ITPR2: variants seen among roughly 807,000 people sequenced by gnomAD.
ITPR2 encodes the protein inositol 1,4,5-trisphosphate-gated calcium channel ITPR2.
A neutral mutation model predicts 317.1 loss-of-function variants in ITPR2; 207 were observed. The ratio of observed to expected loss-of-function variants is 0.65; its 90% confidence interval spans 0.58 to 0.73. The LOEUF is 0.73. Ranked by LOEUF, ITPR2 falls within the 30% of genes least tolerant of loss-of-function variation. The probability of loss-of-function intolerance (pLI) is 0.00; values close to 1 mark genes in which losing one functional copy is unlikely to be tolerated. For missense variants in ITPR2, 2,613 were observed against 3,284.0 expected (o/e 0.80, Z 4.99); for synonymous variants, 1,156 against 1,149.1 (o/e 1.01, Z -0.12).
chr12:26,340,017 T>C, intron 56 of ITPR2, 150 bp downstream of exon 56: 2 of 612,158 alleles, frequency 3.3e-6, no homozygotes, highest in Non-Finnish European at 5.1e-6. Flanking sequence ...TTTGCTGGGA[T>C]GTGGTTCTAC....
At chr12:26,770,553 G>A (rs149080976) in intron 2 of ITPR2, among the ~76,000 whole-genome samples, 1 of 152,154 alleles carries the variant, frequency 6.6e-6, no homozygotes, top group Non-Finnish European at 1.5e-5. Context: ...TTCAATCACA[G>A]CTTTGCTTGC....
At chr12:26,416,285 T>C (rs950980636) in intron 50 of ITPR2, among the ~76,000 whole-genome samples, 6 of 152,222 alleles carry the variant, frequency 3.9e-5, no homozygotes, top group Non-Finnish European at 5.9e-5. Context: ...ATTTTATTTA[T>C]TGCTACATTA....
At chr12:26,533,859 G>A (rs1430351862) in intron 37 of ITPR2, among the ~76,000 whole-genome samples, 4 of 152,258 alleles carry the variant, frequency 2.6e-5, no homozygotes, top group South Asian at 2.1e-4. Flanking sequence ...TAAGCCACTC[G>A]ATCTGTGGGA....
intron 55 of ITPR2, among the ~76,000 whole-genome samples, chr12:26,379,834 A>G (rs963193701): frequency 1.3e-5 from 2 of 152,204 alleles, no homozygotes; most frequent in Admixed American, 1.3e-4. Context: ...TGTAAATGGA[A>G]ATCCTAAGAA....
At chr12:26,735,394 G>C (rs1285032056) in intron 2 of ITPR2, among the ~76,000 whole-genome samples, 1 of 152,126 alleles carries the variant, frequency 6.6e-6, no homozygotes, top group African/African-American at 2.4e-5. Flanking sequence ...AAGGGAAAGG[G>C]AAAGAGAAGG....
chr12:26,568,386 C>A (rs1945069016), intron 34 of ITPR2, among the ~76,000 whole-genome samples: 1 of 151,836 alleles, frequency 6.6e-6, no homozygotes, highest in East Asian at 1.9e-4. Flanking sequence ...GATAACAGTT[C>A]TCTAAAATAG....
chr12:26,407,746 C>T (rs1940399900), intron 52 of ITPR2, among the ~76,000 whole-genome samples: 1 of 152,198 alleles, frequency 6.6e-6, no homozygotes, highest in Non-Finnish European at 1.5e-5. Context: ...GACTGACTAG[C>T]TGTGATCTTG....
At chr12:26,647,343 T>C (rs890878079) in intron 21 of ITPR2, among the ~76,000 whole-genome samples, 8 of 152,236 alleles carry the variant, frequency 5.3e-5, no homozygotes, top group African/African-American at 1.9e-4. Context: ...ACAGAAGATG[T>C]GTAAGTGGGA....
chr12:26,810,910 C>G (rs1312443582), intron 1 of ITPR2, among the ~76,000 whole-genome samples: 4 of 152,096 alleles, frequency 2.6e-5, no homozygotes, highest in Non-Finnish European at 5.9e-5. Context: ...AAGCAATCCT[C>G]CTGCCTCAGC....
At chr12:26,719,096 C>T (rs1272428145) in intron 5 of ITPR2, among the ~76,000 whole-genome samples, 1 of 152,010 alleles carries the variant, frequency 6.6e-6, no homozygotes, top group African/African-American at 2.4e-5. Flanking sequence ...ATAAAACTTG[C>T]AAGTGAAATG....
intron 34 of ITPR2, among the ~76,000 whole-genome samples, chr12:26,565,843 A>AAAGGAGAGGAGAGGAGAGGGGAGGG (rs1401277815): frequency 1.3e-5 from 1 of 78,418 alleles, no homozygotes; most frequent in Non-Finnish European, 2.8e-5. Context: ...AGGAGAGTAG[A>AAAGGAGAGGAGAGGAGAGGGGAGGG]GAGGAGAGGA....
intron 55 of ITPR2, among the ~76,000 whole-genome samples, chr12:26,369,108 T>C (rs1939103570): frequency 6.6e-6 from 1 of 152,136 alleles, no homozygotes; most frequent in South Asian, 2.1e-4. Context: ...CTTGGCATAT[T>C]ATGGAAACAG....
In ITPR2 at chr12:26,452,090, T is replaced by A. The variant is rs1479105220; in HGVS notation, c.6343-8440A>T. Among the ~76,000 whole-genome samples, 5 of 152,078 alleles carry A rather than the reference T, an allele frequency of 3.3e-5. No individual in the cohort carries two copies. In the East Asian group the frequency reaches 9.6e-4, roughly 29 times the overall value. ...CTCAAGCCTCCCAAATCAGAAACTA[T>A]GAAGGAGTACACCCCTCTCCCCCTG... is the stretch of plus-strand genomic sequence containing the variant. On this transcript the variant is annotated intron_variant, in intron 45 of 56. Coordinates refer to ENST00000381340, the MANE Select transcript of ITPR2 (RefSeq NM_002223.4).
intron 21 of ITPR2, among the ~76,000 whole-genome samples, chr12:26,637,370 T>G (rs1189016759): frequency 6.6e-6 from 1 of 152,136 alleles, no homozygotes; most frequent in African/African-American, 2.4e-5. Context: ...CAAAATTGCT[T>G]AGGAATTTTT....
At chr12:26,644,776 G>A (rs1018399298) in intron 21 of ITPR2, among the ~76,000 whole-genome samples, 8 of 152,158 alleles carry the variant, frequency 5.3e-5, no homozygotes, top group African/African-American at 1.9e-4. Context: ...AGATTCAGGT[G>A]AGGACACAGC....
At chr12:26,776,504 T>C (rs753209344) in intron 2 of ITPR2, among the ~76,000 whole-genome samples, 1 of 152,132 alleles carries the variant, frequency 6.6e-6, no homozygotes, top group Non-Finnish European at 1.5e-5. Flanking sequence ...CAACAAAAAG[T>C]GCATGCACAG....
chr12:26,650,154 T>C (rs1947213330), intron 21 of ITPR2, among the ~76,000 whole-genome samples: 1 of 152,134 alleles, frequency 6.6e-6, no homozygotes, highest in Non-Finnish European at 1.5e-5. Flanking sequence ...AATTTATGTG[T>C]CTTTGAGGGC....
chr12:26,721,837 A>G (rs1262917292), intron 5 of ITPR2, among the ~76,000 whole-genome samples: 4 of 152,066 alleles, frequency 2.6e-5, no homozygotes, highest in African/African-American at 9.7e-5. Flanking sequence ...CTGGTCTTGA[A>G]CCCGTGGGCT....
At chr12:26,364,621 A>G (rs1021167372) in intron 55 of ITPR2, among the ~76,000 whole-genome samples, 8 of 152,058 alleles carry the variant, frequency 5.3e-5, no homozygotes, top group Non-Finnish European at 8.8e-5. Flanking sequence ...AAAACCAACT[A>G]ACTCCCTTTG....
Sources: allele counts gnomAD v4.1 joint callset (sites outside exome capture counted in the v4.1 genomes callset), GRCh38; gene constraint gnomAD v4.1.1; transcripts MANE v1.5; gene names NCBI Gene and HGNC (gene_info 2026-07-23, HGNC 2026-07-21).